Variants in GRM8 observed in about 807,000 individuals in gnomAD.
GRM8 encodes the protein glutamate metabotropic receptor 8.
A neutral mutation model predicts 87.2 loss-of-function variants in GRM8; 47 were observed. The observed-to-expected ratio is 0.54, with a 90% CI of 0.43 to 0.69. The LOEUF (loss-of-function observed/expected upper bound fraction) is 0.69. Among genes scored for constraint, GRM8 ranks in the 30% least tolerant of loss-of-function variants. GRM8 has a pLI of 0.00. For missense variants in GRM8, 1,019 were observed against 1,139.2 expected (o/e 0.89, Z 1.52); for synonymous variants, 396 against 404.5 (o/e 0.98, Z 0.25).
At chr7:127,115,105 C>T (rs1826623759) in intron 2 of GRM8, among the ~76,000 whole-genome samples, 1 of 152,134 alleles carries the variant, frequency 6.6e-6, no homozygotes, top group Non-Finnish European at 1.5e-5. Context: ...AAGGAAATTG[C>T]ATTCTGACCT....
chr7:126,599,267 A>G (rs571453931), intron 8 of GRM8, among the ~76,000 whole-genome samples: 4 of 152,200 alleles, frequency 2.6e-5, no homozygotes, highest in African/African-American at 9.6e-5. Context: ...CTCAGATTCT[A>G]TCTGGCCTGA....
At position 127,060,041 on chromosome 7, in the gene GRM8, C is replaced by G. The variant is rs1279327092; in HGVS notation, c.727+46455G>C. 2.0e-5 allele frequency among the ~76,000 whole-genome samples: 3 copies of G among 152,288 alleles called. No homozygotes were observed. The East Asian group carries it at 5.8e-4, about 29-fold the overall frequency. ...CATGAAAGTCACTGGTAGACATTTT[C>G]TACAGCTACCATAATCCTCAAGAGG... is the stretch of plus-strand genomic sequence containing the variant. On this transcript the variant is annotated intron_variant, in intron 3 of 10. Transcript: ENST00000339582.
chr7:126,879,137 T>C (rs995965774), intron 6 of GRM8, among the ~76,000 whole-genome samples: 1 of 112,486 alleles, frequency 8.9e-6, no homozygotes, highest in African/African-American at 3.5e-5. Context: ...CACTCCAGCC[T>C]GGGCCACAGA....
At chr7:127,052,341 A>G (rs947476899) in intron 3 of GRM8, among the ~76,000 whole-genome samples, 3 of 152,178 alleles carry the variant, frequency 2.0e-5, no homozygotes, top group Non-Finnish European at 4.4e-5. Flanking sequence ...CCCTCTATGC[A>G]TAGGCAACAA....
intron 6 of GRM8, among the ~76,000 whole-genome samples, chr7:126,815,426 TTAACTC>T (rs1425155139): frequency 6.6e-6 from 1 of 152,130 alleles, no homozygotes; most frequent in African/African-American, 2.4e-5. Context: ...AAATTTAACA[TTAACTC>T]TAACAGAAGT....
intron 7 of GRM8, among the ~76,000 whole-genome samples, chr7:126,738,390 G>C (rs1468381110): frequency 1.3e-5 from 2 of 152,078 alleles, no homozygotes; most frequent in Admixed American, 6.6e-5. Flanking sequence ...GGGAAGAACA[G>C]GTTTGCAAGA....
At chr7:127,076,813 C>CA (rs1291157321) in intron 3 of GRM8, among the ~76,000 whole-genome samples, 1 of 152,174 alleles carries the variant, frequency 6.6e-6, no homozygotes, top group Non-Finnish European at 1.5e-5. Context: ...AAGGACTGCC[C>CA]AAGTGGAGAA....
chr7:126,548,296 C>T (rs1408583119), intron 8 of GRM8, among the ~76,000 whole-genome samples: 1 of 148,958 alleles, frequency 6.7e-6, no homozygotes, highest in Non-Finnish European at 1.5e-5. Context: ...CACATGTAAC[C>T]TAGAACTTAA....
intron 6 of GRM8, among the ~76,000 whole-genome samples, chr7:126,785,019 AG>A (rs1370131691): frequency 6.6e-6 from 1 of 152,128 alleles, no homozygotes; most frequent in Non-Finnish European, 1.5e-5. Flanking sequence ...TTTTATCACA[AG>A]CTTGCGTTCA....
At chr7:127,000,652 A>G (rs1813636598) in intron 3 of GRM8, among the ~76,000 whole-genome samples, 1 of 151,686 alleles carries the variant, frequency 6.6e-6, no homozygotes, top group Non-Finnish European at 1.5e-5. Context: ...GAATTGGAAA[A>G]TTTCCCTAGA....
At chr7:127,207,581 T>C (rs557646045) in intron 2 of GRM8, among the ~76,000 whole-genome samples, 2 of 152,268 alleles carry the variant, frequency 1.3e-5, no homozygotes, top group Non-Finnish European at 2.9e-5. Flanking sequence ...GTTATTACAA[T>C]GACTATTCCA....
chr7:126,654,566 A>C (rs918820560), intron 7 of GRM8, among the ~76,000 whole-genome samples: 3 of 152,230 alleles, frequency 2.0e-5, no homozygotes, highest in African/African-American at 7.2e-5. Flanking sequence ...CTTGAAAACT[A>C]TAAGTGTTTT....
At chr7:127,134,527 C>T (rs1269046155) in intron 2 of GRM8, among the ~76,000 whole-genome samples, 1 of 151,758 alleles carries the variant, frequency 6.6e-6, no homozygotes, top group Non-Finnish European at 1.5e-5. Context: ...GAAGCATGAA[C>T]TAAAACATTT....
chr7:126,631,222 G>A (rs1801221652), intron 7 of GRM8, among the ~76,000 whole-genome samples: 1 of 152,004 alleles, frequency 6.6e-6, no homozygotes, highest in Non-Finnish European at 1.5e-5. Flanking sequence ...AAAATCACTA[G>A]CATTTCTATA....
At chr7:127,117,682 G>A (rs776564689) in intron 2 of GRM8, among the ~76,000 whole-genome samples, 6 of 152,146 alleles carry the variant, frequency 3.9e-5, no homozygotes, top group Non-Finnish European at 7.4e-5. Context: ...CATTTGCTAA[G>A]TTACTTAAAA....
chr7:127,076,007 T>C, intron 3 of GRM8: 1 of 375,200 alleles, frequency 2.7e-6, no homozygotes. Context: ...TGCTGGCCAA[T>C]ATTAGGCTTT....
intron 9 of GRM8, among the ~76,000 whole-genome samples, chr7:126,528,967 A>G (rs999304769): frequency 1.3e-5 from 2 of 152,214 alleles, no homozygotes; most frequent in African/African-American, 4.8e-5. Flanking sequence ...ATAAATAGAG[A>G]AAAAGAACAA....
chr7:126,753,283 T>A (rs191301898), intron 7 of GRM8, among the ~76,000 whole-genome samples: 26 of 151,902 alleles, frequency 1.7e-4, no homozygotes, highest in African/African-American at 4.3e-4. Flanking sequence ...TATTTAAATT[T>A]TATATATATA....
chr7:126,955,577 C>T (rs948283224), intron 3 of GRM8, among the ~76,000 whole-genome samples: 8 of 152,116 alleles, frequency 5.3e-5, no homozygotes, highest in Admixed American at 2.6e-4. Flanking sequence ...GTCTTTATAG[C>T]TAGTATTTAT....
Sources: gnomAD v4.1 joint callset for allele counts (sites outside exome capture counted in the v4.1 genomes callset) on GRCh38, gnomAD v4.1.1 for gene constraint, MANE v1.5 for transcripts, NCBI Gene and HGNC (gene_info 2026-07-23, HGNC 2026-07-21) for gene names.